PDSS2: variants seen among roughly 807,000 people sequenced by gnomAD.
PDSS2 encodes the protein all trans-polyprenyl-diphosphate synthase PDSS2.
In PDSS2, 31 loss-of-function variants were observed where a neutral mutation model predicts 44.5. The observed-to-expected ratio is 0.70, with a 90% confidence interval of 0.52 to 0.94. The LOEUF (loss-of-function observed/expected upper bound fraction) is 0.94, where lower values mean the gene tolerates loss of function less well. PDSS2 is among the 40% of genes least tolerant of loss of function. The pLI is 0.00. For missense variants in PDSS2, 452 were observed against 482.2 expected (o/e 0.94, Z 0.59); for synonymous variants, 157 against 180.3 (o/e 0.87, Z 1.03).
At chr6:107,395,744 C>G (rs1313617001) in intron 1 of PDSS2, among the ~76,000 whole-genome samples, 1 of 152,064 alleles carries the variant, frequency 6.6e-6, no homozygotes, top group Non-Finnish European at 1.5e-5. Flanking sequence ...AGGTCTGTTT[C>G]TATTAATTGG....
chr6:107,437,962 G>C (rs939994482), intron 1 of PDSS2, among the ~76,000 whole-genome samples: 4 of 152,154 alleles, frequency 2.6e-5, no homozygotes, highest in African/African-American at 9.7e-5. Context: ...TCTGTGAGAA[G>C]GACTGCTACT....
intron 7 of PDSS2, among the ~76,000 whole-genome samples, chr6:107,184,549 T>C (rs1177217789): frequency 2.0e-5 from 3 of 152,346 alleles, no homozygotes; most frequent in South Asian, 2.1e-4. Context: ...TCTGTGGACA[T>C]TACTGTTTGC....
At chr6:107,253,427 T>C (rs1175449010) in intron 3 of PDSS2, among the ~76,000 whole-genome samples, 1 of 152,240 alleles carries the variant, frequency 6.6e-6, no homozygotes. Flanking sequence ...GTTTTTAAAT[T>C]ATAGTTGTTC....
At chr6:107,397,301 A>G (rs1779979861) in intron 1 of PDSS2, among the ~76,000 whole-genome samples, 1 of 152,156 alleles carries the variant, frequency 6.6e-6, no homozygotes, top group African/African-American at 2.4e-5. Flanking sequence ...AAGCATTGGA[A>G]GGTAAAACTG....
At chr6:107,399,623 AT>A (rs1780048026) in intron 1 of PDSS2, among the ~76,000 whole-genome samples, 1 of 152,188 alleles carries the variant, frequency 6.6e-6, no homozygotes, top group Non-Finnish European at 1.5e-5. Flanking sequence ...TGTGCTATTC[AT>A]TTTTAAAAAC....
At chr6:107,353,899 ACACT>A (rs1470829841) in intron 1 of PDSS2, among the ~76,000 whole-genome samples, 3 of 152,202 alleles carry the variant, frequency 2.0e-5, no homozygotes, top group Non-Finnish European at 4.4e-5. Flanking sequence ...ATTTAAGCAA[ACACT>A]CAGTAGTTTT....
At chr6:107,179,199 C>T (rs1771889731) in intron 7 of PDSS2, among the ~76,000 whole-genome samples, 1 of 152,124 alleles carries the variant, frequency 6.6e-6, no homozygotes, top group South Asian at 2.1e-4. Context: ...GGGAGATCTT[C>T]CACAGGGGGC....
chr6:107,233,864 CAATT>C (rs1477961135), intron 4 of PDSS2, among the ~76,000 whole-genome samples: 4 of 151,604 alleles, frequency 2.6e-5, no homozygotes, highest in East Asian at 3.9e-4. Flanking sequence ...CAATGAGAAA[CAATT>C]AATCTAGAAT....
At chr6:107,454,014 C>T (rs1315202756) in intron 1 of PDSS2, among the ~76,000 whole-genome samples, 1 of 150,450 alleles carries the variant, frequency 6.6e-6, no homozygotes, top group African/African-American at 2.4e-5. Context: ...TTTGTGTCAA[C>T]TCATCAAGGG....
chr6:107,435,631 T>C (rs1349339401), intron 1 of PDSS2, among the ~76,000 whole-genome samples: 1 of 152,082 alleles, frequency 6.6e-6, no homozygotes, highest in African/African-American at 2.4e-5. Context: ...TGAAGATAAA[T>C]CTCATTTATT....
intron 2 of PDSS2, among the ~76,000 whole-genome samples, chr6:107,332,757 C>T (rs1777753122): frequency 1.3e-5 from 2 of 152,128 alleles, no homozygotes; most frequent in Non-Finnish European, 2.9e-5. Context: ...AGCTTAACAA[C>T]TCTTACTATG....
At chr6:107,201,390 CAAAAA>C (rs747612959) in intron 6 of PDSS2, among the ~76,000 whole-genome samples, 70 of 52,162 alleles carry the variant, frequency 1.3e-3, no homozygotes, top group Non-Finnish European at 1.9e-3. Context: ...CATACAAAAG[CAAAAA>C]AAAAAAAAAA....
At chr6:107,447,149 C>T (rs372202235) in intron 1 of PDSS2, among the ~76,000 whole-genome samples, 20 of 151,928 alleles carry the variant, frequency 1.3e-4, no homozygotes, top group Admixed American at 2.6e-4. Context: ...CTGGCTAACA[C>T]GGTGAAACCC....
rs1554244796 is a variant in PDSS2, at chr6:107,153,047, A to C, written c.*1572T>G. 6.6e-6 allele frequency: 1 copy of C among 152,616 alleles called. No individual in the cohort carries two copies. The highest frequency in any genetic ancestry group is 2.4e-5 in the African/African-American group (1 of 41,452). The allele number at this position is 152,616 out of a possible 1,614,324, so 9.5% of individuals were successfully genotyped here. A position where few individuals can be genotyped will look rare whatever the true frequency, so the allele number is the denominator to read the frequency against. ...TATAATACAATACATTAACCTCTGT[A>C]GCTTTACATTTTCTCTTCATTGCAT... On this transcript the variant is annotated 3_prime_UTR_variant, in exon 8 of 8. Transcript: ENST00000369037.
chr6:107,397,840 G>A (rs1463395244), intron 1 of PDSS2, among the ~76,000 whole-genome samples: 1 of 152,092 alleles, frequency 6.6e-6, no homozygotes, highest in Admixed American at 6.5e-5. Context: ...TTTTTCTAAT[G>A]AGATCAGTGG....
At chr6:107,313,976 T>C (rs1777126123) in intron 2 of PDSS2, among the ~76,000 whole-genome samples, 1 of 151,860 alleles carries the variant, frequency 6.6e-6, no homozygotes, top group African/African-American at 2.4e-5. Flanking sequence ...CATAGCAAGA[T>C]CCTGTTCTGC....
intron 2 of PDSS2, among the ~76,000 whole-genome samples, chr6:107,296,985 T>A (rs2115044436): frequency 6.6e-6 from 1 of 152,286 alleles, no homozygotes; most frequent in Middle Eastern, 3.4e-3. Flanking sequence ...GAAAAATTAT[T>A]TTCCCCTCAG....
At chr6:107,363,984 T>A (rs894480500) in intron 1 of PDSS2, among the ~76,000 whole-genome samples, 1 of 150,922 alleles carries the variant, frequency 6.6e-6, no homozygotes, top group African/African-American at 2.4e-5. Flanking sequence ...AGAGTGCCGA[T>A]TGGTGTATTT....
intron 1 of PDSS2, among the ~76,000 whole-genome samples, chr6:107,383,941 T>C (rs1158672279): frequency 6.6e-6 from 1 of 152,222 alleles, no homozygotes; most frequent in Non-Finnish European, 1.5e-5. Flanking sequence ...AATGAAAACA[T>C]GTATTCACAC....
Sources: allele counts gnomAD v4.1 joint callset (sites outside exome capture counted in the v4.1 genomes callset), GRCh38; gene constraint gnomAD v4.1.1; transcripts MANE v1.5; gene names NCBI Gene and HGNC (gene_info 2026-07-23, HGNC 2026-07-21).